Variants in LYPLAL1 observed in about 807,000 individuals in gnomAD.
LYPLAL1 encodes the protein lysophospholipase-like protein 1.
A neutral mutation model predicts 19.7 loss-of-function variants in LYPLAL1; 23 were observed. That is an observed-to-expected ratio of 1.17 (90% CI 0.84 to 1.65). The LOEUF is 1.65. LYPLAL1 is among the 40% of genes most tolerant of loss of function. The pLI, the probability that LYPLAL1 is intolerant of heterozygous loss-of-function variation, is 0.00. For missense variants in LYPLAL1, 355 were observed against 279.4 expected (o/e 1.27, Z -1.93); for synonymous variants, 119 against 96.3 (o/e 1.24, Z -1.38).
the LYPLAL1 span, among the ~76,000 whole-genome samples, chr1:219,404,417 C>A: frequency 3.9e-5 from 6 of 152,210 alleles, no homozygotes; most frequent in Non-Finnish European, 7.4e-5. Flanking sequence ...AATAAGGAGA[C>A]CCTTGTCTTA....
chr1:219,366,402 G>A, the LYPLAL1 span, among the ~76,000 whole-genome samples: 2 of 152,018 alleles, frequency 1.3e-5, no homozygotes, highest in Non-Finnish European at 2.9e-5. Flanking sequence ...TTTTTCACTG[G>A]GTTATGTTTC....
the LYPLAL1 span, among the ~76,000 whole-genome samples, chr1:219,227,243 C>A: frequency 3.9e-5 from 6 of 152,186 alleles, no homozygotes; most frequent in African/African-American, 1.4e-4. Flanking sequence ...ATATTCCATT[C>A]GAGAAAAAAA....
At chr1:219,336,111 A>G in the LYPLAL1 span, among the ~76,000 whole-genome samples, 1 of 151,430 alleles carries the variant, frequency 6.6e-6, no homozygotes, top group African/African-American at 2.4e-5. Flanking sequence ...AACTCTTGGC[A>G]CAGGTGTTAC....
the LYPLAL1 span, among the ~76,000 whole-genome samples, chr1:219,246,700 C>T: frequency 1.3e-5 from 2 of 152,202 alleles, no homozygotes; most frequent in Non-Finnish European, 2.9e-5. Flanking sequence ...GATCCTCCCA[C>T]CTCAGCCTCC....
chr1:219,398,093 G>T, the LYPLAL1 span, among the ~76,000 whole-genome samples: 1 of 152,036 alleles, frequency 6.6e-6, no homozygotes, highest in Admixed American at 6.5e-5. Context: ...TTAATTCCTG[G>T]TCTCTCTAGC....
the LYPLAL1 span, among the ~76,000 whole-genome samples, chr1:219,286,312 A>T: frequency 1.3e-5 from 2 of 152,210 alleles, no homozygotes; most frequent in African/African-American, 4.8e-5. Context: ...TTAATATTAA[A>T]CAACAAGCAC....
At chr1:219,380,298 G>A in the LYPLAL1 span, among the ~76,000 whole-genome samples, 12 of 152,162 alleles carry the variant, frequency 7.9e-5, no homozygotes, top group Admixed American at 7.9e-4. Context: ...CCATGGTGTG[G>A]GTGGGACGCT....
the LYPLAL1 span, among the ~76,000 whole-genome samples, chr1:219,265,337 C>T: frequency 3.0e-4 from 46 of 152,178 alleles, no homozygotes; most frequent in Admixed American, 5.9e-4. Flanking sequence ...AAAGCCTTGA[C>T]ATGATGCTTG....
the LYPLAL1 span, among the ~76,000 whole-genome samples, chr1:219,260,038 T>C: frequency 1.4e-4 from 21 of 152,026 alleles, no homozygotes; most frequent in African/African-American, 4.3e-4. Context: ...TTTGTTTAAA[T>C]TGCAAGACAA....
the LYPLAL1 span, among the ~76,000 whole-genome samples, chr1:219,431,793 GA>G: frequency 6.6e-6 from 1 of 152,298 alleles, no homozygotes; most frequent in South Asian, 2.1e-4. Flanking sequence ...AAGGCAATGA[GA>G]CAACATCATA....
At chr1:219,256,439 TC>T in the LYPLAL1 span, among the ~76,000 whole-genome samples, 69,845 of 150,896 alleles carry the variant, frequency 0.46, 16,462 homozygotes, top group East Asian at 0.65. Context: ...CTTCTCTCTT[TC>T]TTTTCTTTCT....
the LYPLAL1 span, among the ~76,000 whole-genome samples, chr1:219,347,865 A>G: frequency 6.6e-6 from 1 of 152,108 alleles, no homozygotes; most frequent in Non-Finnish European, 1.5e-5. Flanking sequence ...ATGCACAGAA[A>G]AAAAAAAAAT....
chr1:219,431,538 G>A, the LYPLAL1 span, among the ~76,000 whole-genome samples: 1 of 152,218 alleles, frequency 6.6e-6, no homozygotes, highest in African/African-American at 2.4e-5. Context: ...TGATGAAGGT[G>A]ACGGTGTGGC....
the LYPLAL1 span, among the ~76,000 whole-genome samples, chr1:219,421,441 C>A: frequency 6.6e-6 from 1 of 152,144 alleles, no homozygotes; most frequent in African/African-American, 2.4e-5. Flanking sequence ...TTTACAAGCA[C>A]CTGAGGAGGC....
chr1:219,224,402 G>A, the LYPLAL1 span, among the ~76,000 whole-genome samples: 1 of 152,116 alleles, frequency 6.6e-6, no homozygotes, highest in Non-Finnish European at 1.5e-5. Context: ...CCTATGAAGT[G>A]TCGTGTGTTT....
the LYPLAL1 span, among the ~76,000 whole-genome samples, chr1:219,390,807 C>T: frequency 6.6e-6 from 1 of 152,048 alleles, no homozygotes; most frequent in African/African-American, 2.4e-5. Flanking sequence ...TTTTAGCTGT[C>T]TTTTGTTATA....
chr1:219,369,629 A>G, the LYPLAL1 span, among the ~76,000 whole-genome samples: 1 of 152,226 alleles, frequency 6.6e-6, no homozygotes, highest in Non-Finnish European at 1.5e-5. Context: ...AGGCCAGTAT[A>G]CAGTACAAAC....
chr1:219,287,706 A>C, the LYPLAL1 span, among the ~76,000 whole-genome samples: 1 of 152,196 alleles, frequency 6.6e-6, no homozygotes, highest in East Asian at 1.9e-4. Flanking sequence ...CATATTCCTT[A>C]CCATGTGATA....
chr1:219,278,696 C>CAAT, the LYPLAL1 span, among the ~76,000 whole-genome samples: 3 of 151,946 alleles, frequency 2.0e-5, no homozygotes, highest in Non-Finnish European at 4.4e-5. Flanking sequence ...ACAACAACAA[C>CAAT]AACAACAACA....
Sources: gnomAD v4.1 joint callset for allele counts (sites outside exome capture counted in the v4.1 genomes callset) on GRCh38, gnomAD v4.1.1 for gene constraint, MANE v1.5 for transcripts, NCBI Gene and HGNC (gene_info 2026-07-23, HGNC 2026-07-21) for gene names.